MAP3K19: variants seen among roughly 807,000 people sequenced by gnomAD.
MAP3K19 encodes mitogen-activated protein kinase kinase kinase 19, also known as SPS1/STE20-related protein kinase YSK4.
Under a neutral mutation model 114.4 loss-of-function variants are expected in MAP3K19, and 91 were observed. The observed-to-expected ratio is 0.80, with a 90% CI of 0.67 to 0.95. The LOEUF is 0.95. MAP3K19 is among the 40% of genes least tolerant of loss of function. The pLI, the probability that MAP3K19 is intolerant of heterozygous loss-of-function variation, is 0.00. For synonymous variants in MAP3K19, 518 were observed against 530.5 expected, an observed-to-expected ratio of 0.98 and a Z score of 0.32; for missense variants, 1,471 against 1,573.2, an observed-to-expected ratio of 0.94 and a Z score of 1.10.
chr2:135,007,057 A>G (rs1328771943), intron 5 of MAP3K19, among the ~76,000 whole-genome samples: 1 of 151,300 alleles, frequency 6.6e-6, no homozygotes, highest in Non-Finnish European at 1.5e-5. Flanking sequence ...CCAACTACTC[A>G]GGAGGCTGAG....
rs763328800 is a variant in MAP3K19, at chr2:134,991,570, G to A, written c.585C>T (p.Thr195=). ...TTCGGCCACTGTACTTCATATGAGA[G>A]GTCGAAAACTCTACAACAAGAAAAA... ...EQQRKSEEFS[T]SHMKYSGRSI... The change falls in exon 9 of 13, where the codon ACC becomes ACT. Residue 195 remains threonine, a synonymous_variant. Coordinates refer to ENST00000392915, the MANE Select transcript of MAP3K19 (RefSeq NM_025052.5). The A allele has an allele frequency of 4.3e-6, 7 of 1,613,200 alleles. No homozygotes were observed. Among genetic ancestry groups the A allele is most frequent in the Non-Finnish European group, 5.9e-6 (7 of 1,179,382 alleles).
chr2:135,010,825 CTTA>C (rs781556900), intron 5 of MAP3K19, among the ~76,000 whole-genome samples: 41 of 152,084 alleles, frequency 2.7e-4, no homozygotes, highest in Middle Eastern at 3.4e-3. Flanking sequence ...GAGACAAAGT[CTTA>C]TTATGTTGCC....
chr2:135,033,313 G>A (rs1195491790), intron 2 of MAP3K19, among the ~76,000 whole-genome samples: 1 of 123,558 alleles, frequency 8.1e-6, no homozygotes, highest in Non-Finnish European at 1.6e-5. Flanking sequence ...CCCAGTAGGA[G>A]CGGCTGGGCA....
chr2:135,045,615 C>T (rs1014893488), intron 1 of MAP3K19, among the ~76,000 whole-genome samples: 1 of 152,030 alleles, frequency 6.6e-6, no homozygotes, highest in Non-Finnish European at 1.5e-5. Context: ...CATTTTTCCC[C>T]CAAGGTTATT....
chr2:135,044,725 A>G (rs1688706139), intron 1 of MAP3K19, among the ~76,000 whole-genome samples: 1 of 152,218 alleles, frequency 6.6e-6, no homozygotes, highest in Admixed American at 6.5e-5. Context: ...CTTGCTAGCC[A>G]CACTGGATGG....
At chr2:135,042,796 ATG>A (rs1193330666) in intron 1 of MAP3K19, among the ~76,000 whole-genome samples, 2 of 151,442 alleles carry the variant, frequency 1.3e-5, no homozygotes, top group African/African-American at 2.4e-5. Context: ...AAAAATTTGA[ATG>A]TGGCTGGGCA....
intron 5 of MAP3K19, among the ~76,000 whole-genome samples, chr2:135,013,325 AG>A (rs1687366791): frequency 2.1e-5 from 2 of 97,364 alleles, no homozygotes; most frequent in African/African-American, 8.6e-5. Flanking sequence ...AAAAAAAAAA[AG>A]AAGAAGAAGA....
intron 12 of MAP3K19, among the ~76,000 whole-genome samples, chr2:134,967,445 G>T (rs552520960): frequency 1.4e-4 from 22 of 152,178 alleles, no homozygotes; most frequent in African/African-American, 5.3e-4. Context: ...TGAATGTATC[G>T]GTATAAAACC....
At chr2:134,972,614 TC>T (rs1269136711) in intron 12 of MAP3K19, among the ~76,000 whole-genome samples, 17 of 151,666 alleles carry the variant, frequency 1.1e-4, no homozygotes, top group Non-Finnish European at 2.1e-4. Context: ...TTTTTTTTTT[TC>T]TTTTTGAGAC....
chr2:134,979,375 G>A (rs1386416009), intron 12 of MAP3K19, among the ~76,000 whole-genome samples: 2 of 151,842 alleles, frequency 1.3e-5, no homozygotes, highest in Admixed American at 6.6e-5. Context: ...ATATTGCTTA[G>A]TTTATGAAGC....
At chr2:135,003,730 T>C (rs888370557) in intron 6 of MAP3K19, among the ~76,000 whole-genome samples, 11 of 152,112 alleles carry the variant, frequency 7.2e-5, no homozygotes, top group Admixed American at 4.6e-4. Context: ...AATTTTGTAT[T>C]TTTAGTAGAG....
intron 3 of MAP3K19, among the ~76,000 whole-genome samples, chr2:135,026,338 C>T (rs1238658790): frequency 2.0e-5 from 3 of 152,230 alleles, no homozygotes; most frequent in African/African-American, 7.2e-5. Flanking sequence ...CTGAACATCT[C>T]TGGGATGACG....
Position 134,987,971 on chromosome 2 carries a change from A to C in MAP3K19, c.901T>G (p.Cys301Gly). ...TTCCAGTTTTCCTCCTTCTCCAGGCATTGCCTGTGATGGTTAGTCTTAGGA... is the reference window on the plus strand; with the variant it reads ...TTCCAGTTTTCCTCCTTCTCCAGGCCTTGCCTGTGATGGTTAGTCTTAGGA... ...SFPKTNHHRQ[C>G]LEKEENWKSK... The change falls in exon 10 of 13, where the codon TGC becomes GGC. Residue 301 changes from cysteine to glycine, a missense_variant. Coordinates refer to ENST00000392915, the MANE Select transcript of MAP3K19 (RefSeq NM_025052.5). The C allele has an allele frequency of 6.2e-7, 1 of 1,614,094 alleles. No homozygotes were observed. Among genetic ancestry groups the C allele is most frequent in the Non-Finnish European group, 8.5e-7 (1 of 1,180,012 alleles).
chr2:135,040,660 T>C (rs1271208717), intron 1 of MAP3K19, 158 bp from the exon 2 acceptor site: 1 of 152,378 alleles, frequency 6.6e-6, no homozygotes, highest in Non-Finnish European at 1.5e-5. Context: ...TTCTTTTATG[T>C]ATAAAATTCT....
intron 3 of MAP3K19, among the ~76,000 whole-genome samples, chr2:135,030,049 C>A (rs1688343606): frequency 6.6e-6 from 1 of 152,264 alleles, no homozygotes; most frequent in Middle Eastern, 3.4e-3. Flanking sequence ...TTCCTGGGAG[C>A]AAATCATTTC....
intron 2 of MAP3K19, among the ~76,000 whole-genome samples, chr2:135,032,033 T>C (rs191613275): frequency 1.1e-4 from 16 of 152,110 alleles, no homozygotes; most frequent in African/African-American, 3.9e-4. Context: ...GTTGGAAAGA[T>C]GAGAAGAACT....
At chr2:135,024,292 C>A (rs1233332859) in intron 4 of MAP3K19, among the ~76,000 whole-genome samples, 3 of 152,190 alleles carry the variant, frequency 2.0e-5, no homozygotes, top group African/African-American at 4.8e-5. Flanking sequence ...TGTTTGGACT[C>A]TTTTCCTACC....
chr2:134,985,733 G>T, intron 10 of MAP3K19, 67 bp downstream of exon 10: 2 of 1,314,398 alleles, frequency 1.5e-6, no homozygotes, highest in South Asian at 1.5e-5. Flanking sequence ...GAAAATAAGG[G>T]GTTTGAACCA....
intron 5 of MAP3K19, among the ~76,000 whole-genome samples, chr2:135,018,882 C>T (rs1274588510): frequency 6.6e-6 from 1 of 152,018 alleles, no homozygotes; most frequent in Admixed American, 6.6e-5. Flanking sequence ...CTCAGGAATG[C>T]GAGACTAGCC....
Sources: gnomAD v4.1 joint callset for allele counts (sites outside exome capture counted in the v4.1 genomes callset) on GRCh38, gnomAD v4.1.1 for gene constraint, MANE v1.5 for transcripts, NCBI Gene and HGNC (gene_info 2026-07-23, HGNC 2026-07-21) for gene names.